Variants in HAND2 observed in about 807,000 individuals in gnomAD.
The protein encoded by HAND2 is heart and neural crest derivatives expressed 2.
Under a neutral mutation model 14.7 loss-of-function variants are expected in HAND2, and 2 were observed. That is an observed-to-expected ratio of 0.14 (90% CI 0.06 to 0.43). HAND2 has a LOEUF of 0.43. Among genes scored for constraint, HAND2 ranks in the 20% least tolerant of loss-of-function variants. HAND2 has a pLI of 0.99. For missense variants in HAND2, 275 were observed against 313.6 expected (o/e 0.88, Z 0.93); for synonymous variants, 162 against 135.9 (o/e 1.19, Z -1.34).
chr4:173,529,145 C>A lies in HAND2; in HGVS notation c.145G>T (p.Gly49Cys). Residue 49 changes from glycine to cysteine, a missense_variant, in exon 1 of 2, where the codon GGC (glycine) becomes TGC (cysteine). Coordinates refer to ENST00000359562, the MANE Select transcript of HAND2 (RefSeq NM_021973.3). ...TCGGGGGGCGACATCTCGGGGTGGC[C>A]GATGAGCCAGCCATGGAAGTAGGGG... ...ENPYFHGWLI[G>C]HPEMSPPDYS... 1 of 1,475,594 alleles carries A rather than the reference C, an allele frequency of 6.8e-7. No individual in the cohort carries two copies. Among genetic ancestry groups the A allele is most frequent in the South Asian group, 1.5e-5 (1 of 67,800 alleles). 91.4% of individuals were successfully genotyped at this position (1,475,594 alleles called of 1,614,324 possible). A position where few individuals can be genotyped will look rare whatever the true frequency, so the allele number is the denominator to read the frequency against.
chr4:173,529,142 G>T lies in HAND2; in HGVS notation c.148C>A (p.His50Asn). Reference sequence around the variant, plus strand: ...TAGTCGGGGGGCGACATCTCGGGGTGGCCGATGAGCCAGCCATGGAAGTAG... The same window carrying T: ...TAGTCGGGGGGCGACATCTCGGGGTTGCCGATGAGCCAGCCATGGAAGTAG... ...NPYFHGWLIG[H>N]PEMSPPDYSM... is the part of the protein sequence containing the mutation. Residue 50 changes from histidine (H) to asparagine (N), a missense_variant, in exon 1 of 2, where the codon CAC (histidine) becomes AAC (asparagine). Physicochemically the swap from His to Asn is moderately conservative, Grantham distance 68 (BLOSUM62 1). Around this residue, in one of 4 missense-constraint regions of HAND2, gnomAD observed 175 missense variants for 157.1 expected, o/e 1.11. Transcript: ENST00000359562. The T allele has an allele frequency of 6.8e-7, 1 of 1,479,496 alleles. No homozygotes were observed. The highest frequency in any genetic ancestry group is 8.9e-7 in the Non-Finnish European group (1 of 1,125,744). The allele number at this position is 1,479,496 out of a possible 1,614,324, so 91.6% of individuals were successfully genotyped here.
chr4:173,529,073 C>T lies in HAND2; in HGVS notation c.217G>A (p.Ala73Thr), dbSNP rs745578357. The T allele has an allele frequency of 6.0e-6, 9 of 1,502,610 alleles. No homozygotes were observed. Among genetic ancestry groups the T allele is most frequent in the South Asian group, 4.1e-5 (3 of 72,536 alleles). 93.1% of individuals were successfully genotyped at this position (1,502,610 alleles called of 1,614,324 possible). Residue 73 changes from alanine to threonine, a missense_variant, in exon 1 of 2, where the codon GCC (alanine) becomes ACC (threonine). By Grantham distance (58) the Ala-to-Thr change is moderately conservative (BLOSUM62 0). This residue lies in a region of HAND2 where 175 missense variants were observed against 157.1 expected (regional missense o/e 1.11). Transcript: ENST00000359562. Reference sequence around the variant, plus strand: ...CCGTAATGGGAGTGGTCCAGGCCGGCGGCGCCGCTGGCATACTCGGGGCTG... The same window carrying T: ...CCGTAATGGGAGTGGTCCAGGCCGGTGGCGCCGCTGGCATACTCGGGGCTG... Reference protein sequence around the residue: ...SYSPEYASGAAGLDHSHYGGV... With the variant: ...SYSPEYASGATGLDHSHYGGV...
At position 173,529,197 on chromosome 4, in the gene HAND2, G is replaced by GGCGGCGGCGGCAGCT. The variant is rs1184199871; in HGVS notation, c.78_92dup (p.Ala28_Ala32dup). On this transcript the variant is annotated inframe_insertion, in exon 1 of 2. Transcript: ENST00000359562. ...TCTCCTCATGGCTGCAGCGGCTGGC[G>GGCGGCGGCGGCAGCT]GCGGCGGCGGCAGCTGCGGCGGCGG... 47 of 1,430,582 alleles carry GGCGGCGGCGGCAGCT rather than the reference G, an allele frequency of 3.3e-5. No homozygotes were observed. The highest frequency in any genetic ancestry group is 3.8e-5 in the Non-Finnish European group (42 of 1,098,824). The allele number at this position is 1,430,582 out of a possible 1,614,324, so 88.6% of individuals were successfully genotyped here.
Position 173,527,027 on chromosome 4 carries a change from C to T in HAND2, c.*250G>A. 1 of 658,224 alleles carries T rather than the reference C, an allele frequency of 1.5e-6. No homozygotes were observed. Among genetic ancestry groups the T allele is most frequent in the Non-Finnish European group, 2.8e-6 (1 of 356,972 alleles). 40.8% of individuals were successfully genotyped at this position (658,224 alleles called of 1,614,324 possible). A position where few individuals can be genotyped will look rare whatever the true frequency, so the allele number is the denominator to read the frequency against. On this transcript the variant is annotated 3_prime_UTR_variant, in exon 2 of 2. Transcript: ENST00000359562. Reference sequence around the variant, plus strand: ...GGATCCCTTACCACACGGGAGTGTCCTCTTCGTATTAAAATATGGAATGCT... The same window carrying T: ...GGATCCCTTACCACACGGGAGTGTCTTCTTCGTATTAAAATATGGAATGCT...
In HAND2 at chr4:173,529,125, G is replaced by C. The variant is rs1731607999; in HGVS notation, c.165C>G (p.Pro55=). 3.5e-5 allele frequency: 52 copies of C among 1,487,324 alleles called. No individual in the cohort carries two copies. Among genetic ancestry groups the C allele is most frequent in the Non-Finnish European group, 4.5e-5 (51 of 1,127,870 alleles). 92.1% of individuals were successfully genotyped at this position (1,487,324 alleles called of 1,614,324 possible). The change falls in exon 1 of 2, where the codon CCC becomes CCG. Residue 55 remains proline, a synonymous_variant. Transcript: ENST00000359562. ...AGGACAGGGCCATGCTGTAGTCGGG[G>C]GGCGACATCTCGGGGTGGCCGATGA... ...GWLIGHPEMS[P]PDYSMALSYS...
chr4:173,529,372 G>C lies in HAND2; in HGVS notation c.-83C>G. The stretch of plus-strand genomic sequence containing the variant: ...GGCCCGGGCCCCTGCCTCAGCGCTC[G>C]GCGTCCTCCCCCACCCCCCACCCCC... On this transcript the variant is annotated 5_prime_UTR_variant, in exon 1 of 2. Coordinates refer to ENST00000359562, the MANE Select transcript of HAND2 (RefSeq NM_021973.3). 1 of 1,085,162 alleles carries C rather than the reference G, an allele frequency of 9.2e-7. No individual in the cohort carries two copies. The highest frequency in any genetic ancestry group is 4.5e-5 in the Admixed American group (1 of 22,094). 67.2% of individuals were successfully genotyped at this position (1,085,162 alleles called of 1,614,324 possible). A position where few individuals can be genotyped will look rare whatever the true frequency, so the allele number is the denominator to read the frequency against.
Position 173,528,196 on chromosome 4 carries a change from T to C in HAND2, c.555+539A>G, listed in dbSNP as rs1397988328. 1 of 156,190 alleles carries C rather than the reference T, an allele frequency of 6.4e-6. No individual in the cohort carries two copies. The allele number at this position is 156,190 out of a possible 1,614,324, so 9.7% of individuals were successfully genotyped here. A position where few individuals can be genotyped will look rare whatever the true frequency, so the allele number is the denominator to read the frequency against. On this transcript the variant is annotated intron_variant, in intron 1 of 1. Transcript: ENST00000359562. This position sits in a 1 kb window ranked among gnomAD's most constrained non-coding sequence, Gnocchi z 5.6. ...GCTGTATTTTGAAGTCAAAAGTACT[T>C]ATTTTATGTTTACCATTACGTTTTC... is the stretch of plus-strand genomic sequence containing the variant.
At position 173,526,762 on chromosome 4, in the gene HAND2, A is replaced by G. The variant is rs1037864200; in HGVS notation, c.*515T>C. 4 of 342,684 alleles carry G rather than the reference A, an allele frequency of 1.2e-5. No individual in the cohort carries two copies. The highest frequency in any genetic ancestry group is 8.6e-5 in the African/African-American group (4 of 46,606). 21.2% of individuals were successfully genotyped at this position (342,684 alleles called of 1,614,324 possible). A position where few individuals can be genotyped will look rare whatever the true frequency, so the allele number is the denominator to read the frequency against. ...AGAGGGAACGACCACAGATGAATGG[A>G]TAGCACTAGATACCGACCCCAACGG... On this transcript the variant is annotated 3_prime_UTR_variant, in exon 2 of 2. Coordinates refer to ENST00000359562, the MANE Select transcript of HAND2 (RefSeq NM_021973.3).
At position 173,529,044 on chromosome 4, in the gene HAND2, C is replaced by T; in HGVS notation, c.246G>A (p.Gly82=). ...CCGGGGGCCCGGCGCCCGGCGGCAC[C>T]CCCCCGTAATGGGAGTGGTCCAGGC... ...AAGLDHSHYG[G]VPPGAGPPGL... Residue 82 remains glycine (G), a synonymous_variant, in exon 1 of 2, where the codon GGG becomes GGA. Coordinates refer to ENST00000359562, the MANE Select transcript of HAND2 (RefSeq NM_021973.3). 1.3e-6 allele frequency: 2 copies of T among 1,497,730 alleles called. No individual in the cohort carries two copies. Among genetic ancestry groups the T allele is most frequent in the Non-Finnish European group, 1.8e-6 (2 of 1,132,508 alleles). The allele number at this position is 1,497,730 out of a possible 1,614,324, so 92.8% of individuals were successfully genotyped here. A position where few individuals can be genotyped will look rare whatever the true frequency, so the allele number is the denominator to read the frequency against.
In HAND2 at chr4:173,529,318, C is replaced by T; in HGVS notation, c.-29G>A. 1 of 1,289,022 alleles carries T rather than the reference C, an allele frequency of 7.8e-7. No individual in the cohort carries two copies. Among genetic ancestry groups the T allele is most frequent in the Non-Finnish European group, 9.7e-7 (1 of 1,025,746 alleles). 79.8% of individuals were successfully genotyped at this position (1,289,022 alleles called of 1,614,324 possible). ...GCCCTCCGCGCCCCTCCACGCGCCC[C>T]AGCGTGCGCGCAGCCCCGCCGCGCC... On this transcript the variant is annotated 5_prime_UTR_variant, in exon 1 of 2. Coordinates refer to ENST00000359562, the MANE Select transcript of HAND2 (RefSeq NM_021973.3).
At position 173,529,007 on chromosome 4, in the gene HAND2, GC is replaced by G; in HGVS notation, c.282del (p.Pro95ArgfsTer4). On this transcript the variant is annotated frameshift_variant, in exon 1 of 2. Transcript: ENST00000359562. LOFTEE classifies it high-confidence loss of function. ...GTGCCTCGGCGCTTCACCGGGCGCG[GC>G]CCCCCCAGGCCCGGGGGCCCGGCGC... ...PPGAGPPGLG[G>X]PRPVKRRGTA... 1.3e-6 allele frequency: 2 copies of G among 1,591,320 alleles called. No homozygotes were observed. The highest frequency in any genetic ancestry group is 1.4e-5 in the African/African-American group (1 of 73,366).
rs1241010851 is a variant in HAND2 at position 173,527,046 on chromosome 4, G to C, written c.*231C>G. On this transcript the variant is annotated 3_prime_UTR_variant, in exon 2 of 2. Transcript: ENST00000359562. ...AGTGTCCTCTTCGTATTAAAATATG[G>C]AATGCTTTTCTTCAAATATCCACTT... 1 of 684,808 alleles carries C rather than the reference G, an allele frequency of 1.5e-6. No individual in the cohort carries two copies. The highest frequency in any genetic ancestry group is 1.8e-5 in the African/African-American group (1 of 56,876). 42.4% of individuals were successfully genotyped at this position (684,808 alleles called of 1,614,324 possible).
Position 173,529,667 on chromosome 4 carries a change from T to C in HAND2, c.-378A>G, listed in dbSNP as rs1370335665. The stretch of plus-strand genomic sequence containing the variant: ...GAATCCTCTCGTGCTCATACAAAGG[T>C]GCCGGGGCTCCCGCGAGGCTGGTAC... On this transcript the variant is annotated 5_prime_UTR_variant, in exon 1 of 2. Coordinates refer to ENST00000359562, the MANE Select transcript of HAND2 (RefSeq NM_021973.3). 6.6e-6 allele frequency: 1 copy of C among 151,998 alleles called. No homozygotes were observed. Among genetic ancestry groups the C allele is most frequent in the African/African-American group, 2.4e-5 (1 of 41,258 alleles). 9.4% of individuals were successfully genotyped at this position (151,998 alleles called of 1,614,324 possible). A position where few individuals can be genotyped will look rare whatever the true frequency, so the allele number is the denominator to read the frequency against.
chr4:173,527,728 C>A (rs956854047), intron 1 of HAND2: 71 of 273,974 alleles, frequency 2.6e-4, no homozygotes, highest in African/African-American at 1.5e-3. Context: ...ATTAGCAATC[C>A]TAGATCCACA....
rs374999146 is a variant in HAND2, at chr4:173,529,336, G to A, written c.-47C>T. On this transcript the variant is annotated 5_prime_UTR_variant, in exon 1 of 2. Coordinates refer to ENST00000359562, the MANE Select transcript of HAND2 (RefSeq NM_021973.3). ...CGCGCCCCAGCGTGCGCGCAGCCCC[G>A]CCGCGCCCTCGGCCCGGGCCCCTGC... The A allele has an allele frequency of 4.3e-4, 544 of 1,259,598 alleles. 7 individuals are homozygous for A. The East Asian group carries it at 0.015, about 35-fold the overall frequency. 78.0% of individuals were successfully genotyped at this position (1,259,598 alleles called of 1,614,324 possible).
At chr4:173,527,696 T>G (rs1185675421) in intron 1 of HAND2, 2 of 351,138 alleles carry the variant, frequency 5.7e-6, no homozygotes, top group East Asian at 1.3e-4. Context: ...GAGTCGGCGC[T>G]AAGTCTGGTT....
rs145372456 is a variant in HAND2 at position 173,526,991 on chromosome 4, A to G, written c.*286T>C. On this transcript the variant is annotated 3_prime_UTR_variant, in exon 2 of 2. Transcript: ENST00000359562. ...GGGAACATTCACGCACACAGAATCT[A>G]TGAGACGACGGGATCCCTTACCACA... The G allele has an allele frequency of 1.5e-5, 9 of 597,100 alleles. No homozygotes were observed. The highest frequency in any genetic ancestry group is 1.1e-4 in the East Asian group (3 of 27,910). The allele number at this position is 597,100 out of a possible 1,614,324, so 37.0% of individuals were successfully genotyped here.
Position 173,529,194 on chromosome 4 carries a change from G to GGCGGCGGCGGCGGCAGCT in HAND2, c.78_95dup (p.Ala27_Ala32dup). On this transcript the variant is annotated inframe_insertion, in exon 1 of 2. Coordinates refer to ENST00000359562, the MANE Select transcript of HAND2 (RefSeq NM_021973.3). Reference sequence around the variant, plus strand: ...GGTTCTCCTCATGGCTGCAGCGGCTGGCGGCGGCGGCGGCAGCTGCGGCGG... The same window carrying GGCGGCGGCGGCGGCAGCT: ...GGTTCTCCTCATGGCTGCAGCGGCTGGCGGCGGCGGCGGCAGCTGCGGCGGCGGCGGCAGCTGCGGCGG... The GGCGGCGGCGGCGGCAGCT allele has an allele frequency of 1.4e-6, 2 of 1,416,512 alleles. No homozygotes were observed. Among genetic ancestry groups the GGCGGCGGCGGCGGCAGCT allele is most frequent in the Non-Finnish European group, 1.8e-6 (2 of 1,090,968 alleles). The allele number at this position is 1,416,512 out of a possible 1,614,324, so 87.7% of individuals were successfully genotyped here.
chr4:173,527,182 G>A lies in HAND2; in HGVS notation c.*95C>T. ...ATTCCAAATGCAAGGAGTCCTCAGA[G>A]CGGAGCGCGGACGGCTTTTCCGGAG... On this transcript the variant is annotated 3_prime_UTR_variant, in exon 2 of 2. Transcript: ENST00000359562. 2 of 815,408 alleles carry A rather than the reference G, an allele frequency of 2.5e-6. No homozygotes were observed. The allele number at this position is 815,408 out of a possible 1,614,324, so 50.5% of individuals were successfully genotyped here.
Sources: gnomAD v4.1 joint callset for allele counts on GRCh38, gnomAD v4.1.1 for gene constraint, gnomAD v4.1.1 regional missense constraint, Gnocchi (gnomAD v3.1) non-coding constraint, MANE v1.5 for transcripts, NCBI Gene and HGNC (gene_info 2026-07-23, HGNC 2026-07-21) for gene names.